The following ENTREP2 variants were observed in gnomAD, a reference collection of about 807,000 sequenced individuals.
ENTREP2 encodes endosomal transmembrane epsin interactor 2.
chr15:29,287,272 T>G, the ENTREP2 span, among the ~76,000 whole-genome samples: 1 of 152,186 alleles, frequency 6.6e-6, no homozygotes, highest in Middle Eastern at 3.4e-3. Context: ...TTCACTGTAT[T>G]GCATCCTTGT....
chr15:29,263,848 G>C, the ENTREP2 span, among the ~76,000 whole-genome samples: 1 of 152,134 alleles, frequency 6.6e-6, no homozygotes, highest in African/African-American at 2.4e-5. Context: ...TCCAGGCCTA[G>C]GGCAGGGAGA....
chr15:29,381,000 C>T, the ENTREP2 span, among the ~76,000 whole-genome samples: 3 of 151,778 alleles, frequency 2.0e-5, no homozygotes, highest in African/African-American at 4.8e-5. Flanking sequence ...TACAGACACC[C>T]GCCAACATTC....
the ENTREP2 span, among the ~76,000 whole-genome samples, chr15:29,300,015 G>T: frequency 6.6e-6 from 1 of 151,286 alleles, no homozygotes; most frequent in Non-Finnish European, 1.5e-5. Flanking sequence ...ATGGATGTGT[G>T]GATGGATGTA....
At chr15:29,359,451 C>A in the ENTREP2 span, among the ~76,000 whole-genome samples, 2 of 152,206 alleles carry the variant, frequency 1.3e-5, no homozygotes, top group Non-Finnish European at 2.9e-5. Flanking sequence ...CTTGCTCTGT[C>A]CCCCAGGCTG....
the ENTREP2 span, among the ~76,000 whole-genome samples, chr15:29,384,639 A>G: frequency 1.3e-5 from 2 of 152,096 alleles, no homozygotes; most frequent in East Asian, 1.9e-4. Context: ...AAGGGAGGAA[A>G]CTGCACAGCA....
At chr15:29,652,733 G>A in the ENTREP2 span, among the ~76,000 whole-genome samples, 1 of 152,318 alleles carries the variant, frequency 6.6e-6, no homozygotes, top group East Asian at 1.9e-4. Flanking sequence ...CCTGGAAACT[G>A]CTCCTGCTAC....
At chr15:29,144,280 T>C in the ENTREP2 span, among the ~76,000 whole-genome samples, 2 of 152,208 alleles carry the variant, frequency 1.3e-5, no homozygotes, top group South Asian at 4.2e-4. Context: ...TTAACTTAAA[T>C]CCTGTATATG....
chr15:29,129,641 C>T, the ENTREP2 span, among the ~76,000 whole-genome samples: 1 of 152,178 alleles, frequency 6.6e-6, no homozygotes, highest in South Asian at 2.1e-4. Context: ...AGCTACCACG[C>T]CCTGCTTTTT....
chr15:29,215,211 T>C, the ENTREP2 span, among the ~76,000 whole-genome samples: 1 of 152,126 alleles, frequency 6.6e-6, no homozygotes. Context: ...AAGTGTCAAC[T>C]TGATTGAATT....
chr15:29,288,110 G>A, the ENTREP2 span, among the ~76,000 whole-genome samples: 6 of 152,166 alleles, frequency 3.9e-5, no homozygotes, highest in African/African-American at 1.4e-4. Flanking sequence ...TCTAAATATA[G>A]GTGGGAAAAT....
chr15:29,265,903 G>A, the ENTREP2 span: 1 of 152,044 alleles, frequency 6.6e-6, no homozygotes, highest in South Asian at 2.1e-4. Context: ...GAACACTTAG[G>A]GAAAAAAGGC....
At chr15:29,296,296 AG>A in the ENTREP2 span, among the ~76,000 whole-genome samples, 3 of 152,212 alleles carry the variant, frequency 2.0e-5, no homozygotes, top group Non-Finnish European at 4.4e-5. Flanking sequence ...GATGAGAAAT[AG>A]TTACATTCAG....
At chr15:29,415,403 C>T in the ENTREP2 span, among the ~76,000 whole-genome samples, 4 of 151,590 alleles carry the variant, frequency 2.6e-5, no homozygotes, top group African/African-American at 7.3e-5. Flanking sequence ...ACAAAAACCA[C>T]GATTATCTCA....
chr15:29,649,840 A>C, the ENTREP2 span, among the ~76,000 whole-genome samples: 1 of 150,092 alleles, frequency 6.7e-6, no homozygotes, highest in Non-Finnish European at 1.5e-5. Flanking sequence ...TGGAGCAAGG[A>C]TGGCCTCTTG....
the ENTREP2 span, among the ~76,000 whole-genome samples, chr15:29,150,264 C>A: frequency 6.6e-6 from 1 of 152,288 alleles, no homozygotes; most frequent in African/African-American, 2.4e-5. Flanking sequence ...CACGGCTCCA[C>A]GCCTGCTCAT....
the ENTREP2 span, among the ~76,000 whole-genome samples, chr15:29,488,446 T>C: frequency 6.6e-6 from 1 of 152,074 alleles, no homozygotes; most frequent in Non-Finnish European, 1.5e-5. Context: ...CAATACCAAG[T>C]ACATAACAGG....
chr15:29,185,428 A>G, the ENTREP2 span, among the ~76,000 whole-genome samples: 2 of 152,188 alleles, frequency 1.3e-5, no homozygotes, highest in Non-Finnish European at 2.9e-5. Flanking sequence ...TCACTGAGGT[A>G]AAACTGGCAC....
the ENTREP2 span, among the ~76,000 whole-genome samples, chr15:29,457,365 A>G: frequency 6.6e-6 from 1 of 152,240 alleles, no homozygotes; most frequent in Non-Finnish European, 1.5e-5. Flanking sequence ...AAATGAAAAT[A>G]CAAGCATGAG....
chr15:29,392,501 T>C, the ENTREP2 span, among the ~76,000 whole-genome samples: 3 of 152,148 alleles, frequency 2.0e-5, no homozygotes, highest in Non-Finnish European at 4.4e-5. Context: ...GACAGTTGCA[T>C]CTCTCAACAG....
Sources: allele counts gnomAD v4.1 joint callset (sites outside exome capture counted in the v4.1 genomes callset), GRCh38; gene constraint gnomAD v4.1.1; transcripts MANE v1.5; gene names NCBI Gene and HGNC (gene_info 2026-07-23, HGNC 2026-07-21).